The following ATG16L1 variants were observed in gnomAD, a reference collection of about 807,000 sequenced individuals.
ATG16L1 encodes autophagy related 16 like 1, also known as autophagy-related protein 16-1.
A neutral mutation model predicts 88.5 loss-of-function variants in ATG16L1; 37 were observed. The ratio of observed to expected loss-of-function variants is 0.42; its 90% CI spans 0.32 to 0.55. ATG16L1 has a LOEUF of 0.55. Ranked by LOEUF, ATG16L1 falls within the 20% of genes least tolerant of loss-of-function variation. The pLI, the probability that ATG16L1 is intolerant of heterozygous loss-of-function variation, is 0.13. For synonymous variants in ATG16L1, 301 were observed against 281.0 expected, an observed-to-expected ratio of 1.07 and a Z score of -0.71; for missense variants, 554 against 752.8, an observed-to-expected ratio of 0.74 and a Z score of 3.09.
At chr2:233,271,158 A>T (rs187721777) in intron 6 of ATG16L1, among the ~76,000 whole-genome samples, 3 of 152,324 alleles carry the variant, frequency 2.0e-5, no homozygotes, top group Non-Finnish European at 4.4e-5. Context: ...TAAAAGTGTC[A>T]TTTGCATAAC....
At chr2:233,267,263 C>T (rs183749188) in intron 5 of ATG16L1, among the ~76,000 whole-genome samples, 6 of 152,282 alleles carry the variant, frequency 3.9e-5, no homozygotes, top group African/African-American at 7.2e-5. Context: ...GCAGGAGAAT[C>T]GCTTGAACCC....
chr2:233,283,385 A>G (rs1250465491), intron 12 of ATG16L1, among the ~76,000 whole-genome samples: 1 of 152,012 alleles, frequency 6.6e-6, no homozygotes, highest in Non-Finnish European at 1.5e-5. Flanking sequence ...AGGAATCATC[A>G]CATAAGCTTA....
chr2:233,294,412 C>A lies in ATG16L1; in HGVS notation c.*62C>A. 1 of 1,350,870 alleles carries A rather than the reference C, an allele frequency of 7.4e-7. No homozygotes were observed. Among genetic ancestry groups the A allele is most frequent in the Non-Finnish European group, 1.0e-6 (1 of 954,898 alleles). The allele number at this position is 1,350,870 out of a possible 1,614,324, so 83.7% of individuals were successfully genotyped here. ...CTCAGAAGAAGCACATGGGCTCCTG[C>A]AGCCCTGTCCTGGCAGGTGATGTGC... On this transcript the variant is annotated 3_prime_UTR_variant, in exon 18 of 18. Transcript: ENST00000392017.
chr2:233,283,327 G>A (rs1241870236), intron 12 of ATG16L1, among the ~76,000 whole-genome samples: 5 of 152,186 alleles, frequency 3.3e-5, no homozygotes, highest in South Asian at 2.1e-4. Flanking sequence ...GGCGGAGGGC[G>A]AAGCATGTAA....
chr2:233,285,248 G>C (rs528616774), intron 12 of ATG16L1, among the ~76,000 whole-genome samples: 1 of 151,136 alleles, frequency 6.6e-6, no homozygotes, highest in Non-Finnish European at 1.5e-5. Flanking sequence ...AATTATTGAA[G>C]AGGGGCCTAC....
intron 1 of ATG16L1, among the ~76,000 whole-genome samples, chr2:233,252,896 T>G (rs979552590): frequency 7.2e-5 from 11 of 152,342 alleles, no homozygotes; most frequent in Admixed American, 7.2e-4. Context: ...TCTCAAGTTA[T>G]GCTGTTGATG....
At chr2:233,260,842 A>G (rs1400320216) in intron 2 of ATG16L1, among the ~76,000 whole-genome samples, 1 of 152,174 alleles carries the variant, frequency 6.6e-6, no homozygotes, top group Admixed American at 6.5e-5. Flanking sequence ...TCCTCTTTGG[A>G]AACCCCTCCC....
chr2:233,263,729 A>C (rs1015493265), intron 3 of ATG16L1, among the ~76,000 whole-genome samples: 3 of 152,096 alleles, frequency 2.0e-5, no homozygotes. Context: ...TGAGTCTCCA[A>C]AAAGGTAGCT....
At position 233,251,849 on chromosome 2, in the gene ATG16L1, G is replaced by T; in HGVS notation, c.22G>T (p.Ala8Ser). MSSGLRA[A>S]DFPRWKRHIS... ...TGACATGTCGTCGGGCCTCCGCGCC[G>T]CTGACTTCCCCCGCTGGAAGCGCCA... Residue 8 changes from alanine (A) to serine (S), a missense_variant, in exon 1 of 18, where the codon GCT becomes TCT. Around this residue, in one of 5 missense-constraint regions of ATG16L1, gnomAD observed 101 missense variants for 107.0 expected, o/e 0.94. Coordinates refer to ENST00000392017, the MANE Select transcript of ATG16L1 (RefSeq NM_030803.7). 6.5e-7 allele frequency: 1 copy of T among 1,549,872 alleles called. No homozygotes were observed. Among genetic ancestry groups the T allele is most frequent in the Non-Finnish European group, 8.7e-7 (1 of 1,146,956 alleles).
At chr2:233,286,184 T>C (rs536590231) in intron 12 of ATG16L1, among the ~76,000 whole-genome samples, 2 of 152,316 alleles carry the variant, frequency 1.3e-5, no homozygotes, top group Non-Finnish European at 2.9e-5. Context: ...GTTGGTGTTA[T>C]GTTAGCTGCA....
At position 233,264,976 on chromosome 2, in the gene ATG16L1, C is replaced by T; in HGVS notation, c.474C>T (p.Ala158=). 2 of 1,614,118 alleles carry T rather than the reference C, an allele frequency of 1.2e-6. No individual in the cohort carries two copies. The highest frequency in any genetic ancestry group is 1.7e-6 in the Non-Finnish European group (2 of 1,179,998). ...CTAAGCTTTGTGACCTTGAAAGAGC[C>T]AACCAGACCCTGAAGGATGAATATG... ...LRTKLCDLER[A]NQTLKDEYDA... Residue 158 remains alanine (A), a synonymous_variant, in exon 5 of 18, where the codon GCC becomes GCT. Transcript: ENST00000392017.
intron 5 of ATG16L1, among the ~76,000 whole-genome samples, chr2:233,268,971 C>G (rs1262700162): frequency 6.6e-6 from 1 of 152,168 alleles, no homozygotes; most frequent in Non-Finnish European, 1.5e-5. Flanking sequence ...ACCTAGCAGG[C>G]ATAGCCATAG....
chr2:233,261,566 T>C (rs1039646283), intron 2 of ATG16L1, among the ~76,000 whole-genome samples: 14 of 152,316 alleles, frequency 9.2e-5, no homozygotes, highest in South Asian at 4.1e-4. Flanking sequence ...ACAATACATA[T>C]AGAGATGGAA....
At chr2:233,267,165 A>G (rs939249071) in intron 5 of ATG16L1, among the ~76,000 whole-genome samples, 1 of 152,350 alleles carries the variant, frequency 6.6e-6, no homozygotes, top group Middle Eastern at 3.4e-3. Flanking sequence ...CCTGGCCAAC[A>G]TGGTGAAACC....
rs565915854 is a variant in ATG16L1, at chr2:233,264,691, C to T, written c.390-201C>T. On this transcript the variant is annotated intron_variant, in intron 4 of 17. Transcript: ENST00000392017. ...ATCGAAAGTTTCTCTTCCTTCACAT[C>T]GTGTTTTTCCTAGTCATTAATAGGA... Among the ~76,000 whole-genome samples the T allele has an allele frequency of 2.7e-4, 41 of 152,272 alleles. No homozygotes were observed. In the East Asian group the frequency reaches 6.0e-3, roughly 22 times the overall value.
intron 12 of ATG16L1, among the ~76,000 whole-genome samples, chr2:233,287,439 T>C (rs1699160317): frequency 6.6e-6 from 1 of 152,228 alleles, no homozygotes; most frequent in Non-Finnish European, 1.5e-5. Context: ...AAGTTGAGGA[T>C]CATCTGTACT....
chr2:233,258,588 A>G (rs6431660), intron 2 of ATG16L1, among the ~76,000 whole-genome samples: 62,563 of 152,172 alleles, frequency 0.41, 14,108 homozygotes, highest in Non-Finnish European at 0.52. Flanking sequence ...ATTGAAAACT[A>G]AAAACATTTC....
In ATG16L1 at chr2:233,251,742, C is replaced by G; in HGVS notation, c.-86C>G. On this transcript the variant is annotated 5_prime_UTR_variant, in exon 1 of 18. Transcript: ENST00000392017. ...AGCTCCGGGATTGCCGGCATTCCCG[C>G]TTCTGCTGGTTGCTTCATGCTGCAG... is the stretch of plus-strand genomic sequence containing the variant. The G allele has an allele frequency of 7.9e-7, 1 of 1,269,074 alleles. No homozygotes were observed. The highest frequency in any genetic ancestry group is 2.6e-5 in the East Asian group (1 of 38,896). 78.6% of individuals were successfully genotyped at this position (1,269,074 alleles called of 1,614,324 possible).
intron 2 of ATG16L1, among the ~76,000 whole-genome samples, chr2:233,257,522 AGT>A (rs1696877086): frequency 6.6e-6 from 1 of 152,200 alleles, no homozygotes; most frequent in Admixed American, 6.5e-5. Context: ...GGCTAATGTA[AGT>A]GTAACCTATG....
Sources: gnomAD v4.1 joint callset for allele counts (sites outside exome capture counted in the v4.1 genomes callset) on GRCh38, gnomAD v4.1.1 for gene constraint, gnomAD v4.1.1 regional missense constraint, MANE v1.5 for transcripts, NCBI Gene and HGNC (gene_info 2026-07-23, HGNC 2026-07-21) for gene names.